Variants in ALPK2 observed in about 807,000 individuals in gnomAD.
ALPK2 encodes alpha-protein kinase 2.
Under a neutral mutation model 163.1 loss-of-function variants are expected in ALPK2, and 127 were observed. The observed-to-expected ratio is 0.78, with a 90% CI of 0.67 to 0.90. The LOEUF (loss-of-function observed/expected upper bound fraction) is 0.90, where lower values mean the gene tolerates loss of function less well. Ranked by LOEUF, ALPK2 falls within the 40% of genes least tolerant of loss-of-function variation. The pLI is 0.00. For synonymous variants in ALPK2, 953 were observed against 959.1 expected (o/e 0.99, Z 0.12); for missense variants, 2,360 against 2,589.6 (o/e 0.91, Z 1.92).
intron 11 of ALPK2, among the ~76,000 whole-genome samples, chr18:58,502,617 G>A (rs1404920962): frequency 1.3e-5 from 2 of 152,164 alleles, no homozygotes; most frequent in Non-Finnish European, 2.9e-5. Context: ...CTGACATTTG[G>A]TAGGCAGAAA....
At chr18:58,568,902 A>G (rs1476985856) in intron 4 of ALPK2, among the ~76,000 whole-genome samples, 1 of 152,154 alleles carries the variant, frequency 6.6e-6, no homozygotes, top group Non-Finnish European at 1.5e-5. Flanking sequence ...CCCTACAGAT[A>G]CCAAGAGACA....
At chr18:58,541,784 G>A (rs1022061683) in intron 4 of ALPK2, among the ~76,000 whole-genome samples, 1 of 152,094 alleles carries the variant, frequency 6.6e-6, no homozygotes, top group Non-Finnish European at 1.5e-5. Flanking sequence ...TTGAAGTGAA[G>A]CCTTTAACAG....
chr18:58,523,249 AT>A (rs1443406179), intron 8 of ALPK2, among the ~76,000 whole-genome samples: 1 of 151,464 alleles, frequency 6.6e-6, no homozygotes, highest in African/African-American at 2.4e-5. Context: ...TGAACTCATC[AT>A]TTTTTATGGT....
Position 58,580,241 on chromosome 18 carries a change from T to A in ALPK2, c.535A>T (p.Asn179Tyr), listed in dbSNP as rs1162889039. The change falls in exon 4 of 13, where the codon AAT (asparagine) becomes TAT (tyrosine). Residue 179 changes from asparagine to tyrosine, a missense_variant. By Grantham distance (143) the Asn-to-Tyr change is moderately radical (BLOSUM62 -2). Transcript: ENST00000361673. Reference sequence around the variant, plus strand: ...GAACTGGACACACTAATGTCAAGATTGCCCAATGACTGGAGGGAGAGTGAA... The same window carrying A: ...GAACTGGACACACTAATGTCAAGATAGCCCAATGACTGGAGGGAGAGTGAA... ...NHSLSLQSLGNLDISVSSSEN... is the reference protein window; with the variant it reads ...NHSLSLQSLGYLDISVSSSEN... The A allele has an allele frequency of 1.2e-6, 2 of 1,614,202 alleles. No homozygotes were observed. The highest frequency in any genetic ancestry group is 2.7e-5 in the African/African-American group (2 of 75,046).
intron 6 of ALPK2, among the ~76,000 whole-genome samples, chr18:58,528,197 C>T (rs2051593593): frequency 6.6e-6 from 1 of 152,166 alleles, no homozygotes; most frequent in Non-Finnish European, 1.5e-5. Flanking sequence ...CAATGATTCT[C>T]ACGCTCATCT....
At chr18:58,547,804 G>C (rs1425508110) in intron 4 of ALPK2, among the ~76,000 whole-genome samples, 1 of 152,172 alleles carries the variant, frequency 6.6e-6, no homozygotes, top group African/African-American at 2.4e-5. Context: ...AATCCCTGCT[G>C]TATGTAGACC....
At chr18:58,503,268 C>T (rs2051441945) in intron 11 of ALPK2, among the ~76,000 whole-genome samples, 1 of 152,254 alleles carries the variant, frequency 6.6e-6, no homozygotes. Flanking sequence ...AGTACTACAT[C>T]TTAATTTACC....
At chr18:58,600,843 GTCCCACTGGACTGA>G (rs1254858917) in intron 3 of ALPK2, 3 of 152,362 alleles carry the variant, frequency 2.0e-5, no homozygotes, top group Middle Eastern at 3.4e-3. Flanking sequence ...ACTGGACTGT[GTCCCACTGGACTGA>G]TCCCACTGGA....
chr18:58,565,857 G>A (rs1386349283), intron 4 of ALPK2, among the ~76,000 whole-genome samples: 5 of 150,832 alleles, frequency 3.3e-5, no homozygotes, highest in African/African-American at 4.9e-5. Flanking sequence ...GAGTGCAGTG[G>A]TGCAACCTCT....
intron 1 of ALPK2, among the ~76,000 whole-genome samples, chr18:58,627,713 G>C (rs537846752): frequency 3.3e-5 from 5 of 152,282 alleles, no homozygotes; most frequent in African/African-American, 1.2e-4. Context: ...TTTAAGTCCT[G>C]ATTTCCAAGA....
rs10653750 is a variant in ALPK2, at chr18:58,525,967, GAAAAAA to G, written c.5502-1911_5502-1906del. Among the ~76,000 whole-genome samples, 1,008 of 117,718 alleles carry G rather than the reference GAAAAAA, an allele frequency of 8.6e-3. 9 individuals are homozygous for G. The highest frequency in any genetic ancestry group is 0.013 in the Non-Finnish European group (767 of 59,622). The allele number at this position is 117,718 out of a possible 152,430, so 77.2% of individuals were successfully genotyped here. ...TACTGGGGGATTCAATGATGAAAAA[GAAAAAA>G]AAAAAAAAAAAAAGGCACAGTCCTT... On this transcript the variant is annotated intron_variant, in intron 6 of 12. Coordinates refer to ENST00000361673, the MANE Select transcript of ALPK2 (RefSeq NM_052947.4).
chr18:58,576,421 C>T (rs916027768), intron 4 of ALPK2, among the ~76,000 whole-genome samples: 2 of 152,132 alleles, frequency 1.3e-5, no homozygotes, highest in Non-Finnish European at 2.9e-5. Context: ...CTATGACTAC[C>T]AACCCAGGAT....
chr18:58,501,072 C>T (rs964893903), intron 11 of ALPK2, among the ~76,000 whole-genome samples: 2 of 152,172 alleles, frequency 1.3e-5, no homozygotes, highest in African/African-American at 4.8e-5. Flanking sequence ...AGAATAGATG[C>T]GCTATCTCAT....
intron 8 of ALPK2, among the ~76,000 whole-genome samples, chr18:58,520,494 G>A (rs1006794300): frequency 1.4e-4 from 20 of 142,500 alleles, no homozygotes; most frequent in Middle Eastern, 3.7e-3. Context: ...AGACAGACTC[G>A]TCAGATGAGT....
chr18:58,604,341 C>A (rs2052087172), intron 3 of ALPK2, among the ~76,000 whole-genome samples: 1 of 152,170 alleles, frequency 6.6e-6, no homozygotes, highest in Non-Finnish European at 1.5e-5. Flanking sequence ...AAGGCATTTG[C>A]ACAAAATACC....
intron 3 of ALPK2, 65 bp downstream of exon 3, chr18:58,607,257 A>G: frequency 8.5e-7 from 1 of 1,178,466 alleles, no homozygotes. Context: ...CTTACCTCAT[A>G]GTAATCAGCA....
intron 8 of ALPK2, among the ~76,000 whole-genome samples, chr18:58,517,633 A>G (rs1456064961): frequency 1.3e-5 from 2 of 151,124 alleles, no homozygotes; most frequent in African/African-American, 4.8e-5. Flanking sequence ...ATTTGTTTTA[A>G]TTGCCTGCCA....
intron 3 of ALPK2, among the ~76,000 whole-genome samples, chr18:58,587,764 A>G (rs1396442662): frequency 6.6e-6 from 1 of 152,026 alleles, no homozygotes; most frequent in Non-Finnish European, 1.5e-5. Context: ...CCAGCTTACA[A>G]TATATATATA....
chr18:58,509,443 CCT>C (rs969358587), intron 10 of ALPK2, among the ~76,000 whole-genome samples: 3 of 152,014 alleles, frequency 2.0e-5, no homozygotes, highest in African/African-American at 7.2e-5. Context: ...GTTCTAGATC[CCT>C]GAGGAATCGC....
Sources: allele counts gnomAD v4.1 joint callset (sites outside exome capture counted in the v4.1 genomes callset), GRCh38; gene constraint gnomAD v4.1.1; transcripts MANE v1.5; gene names NCBI Gene and HGNC (gene_info 2026-07-23, HGNC 2026-07-21).